BMP5: variants seen among roughly 807,000 people sequenced by gnomAD.
BMP5 encodes bone morphogenetic protein 5.
In BMP5, 23 loss-of-function variants were observed where a neutral mutation model predicts 46.6. The observed-to-expected ratio is 0.49, with a 90% CI of 0.35 to 0.70. The LOEUF (loss-of-function observed/expected upper bound fraction) is 0.70. Among genes scored for constraint, BMP5 ranks in the 30% least tolerant of loss-of-function variants. The pLI is 0.00. For synonymous variants in BMP5, 204 were observed against 191.9 expected (o/e 1.06, Z -0.52); for missense variants, 545 against 565.6 (o/e 0.96, Z 0.37).
At chr6:55,861,816 C>T (rs72870608) in intron 1 of BMP5, among the ~76,000 whole-genome samples, 46 of 152,262 alleles carry the variant, frequency 3.0e-4, no homozygotes, top group Non-Finnish European at 5.3e-4. Context: ...GTATATAGAA[C>T]TTTACAAAGA....
At chr6:55,762,726 T>C (rs143477865) in intron 4 of BMP5, among the ~76,000 whole-genome samples, 45 of 152,230 alleles carry the variant, frequency 3.0e-4, no homozygotes, top group African/African-American at 1.1e-3. Context: ...CTCCTTGATA[T>C]ACAAAACGGG....
intron 6 of BMP5, 72 bp downstream of exon 6, chr6:55,758,933 C>T (rs1245416115): frequency 1.9e-6 from 2 of 1,039,338 alleles, no homozygotes; most frequent in Admixed American, 1.7e-5. Context: ...TAAATAGATG[C>T]TTTCCTCTAA....
At chr6:55,774,015 T>C (rs1026776985) in intron 4 of BMP5, 34 bp downstream of exon 4, 4 of 1,606,742 alleles carry the variant, frequency 2.5e-6, no homozygotes, top group Non-Finnish European at 2.6e-6. Context: ...CCCATAACTC[T>C]CTGTGCATAA....
At chr6:55,833,943 G>C (rs891544741) in intron 1 of BMP5, among the ~76,000 whole-genome samples, 1 of 152,022 alleles carries the variant, frequency 6.6e-6, no homozygotes, top group Non-Finnish European at 1.5e-5. Flanking sequence ...GAGATATTAT[G>C]CAAAAATCTA....
intron 3 of BMP5, among the ~76,000 whole-genome samples, chr6:55,793,307 G>A (rs1485461688): frequency 6.6e-6 from 1 of 152,128 alleles, no homozygotes; most frequent in African/African-American, 2.4e-5. Context: ...ACATCTTCGT[G>A]TTTCAGATTA....
At position 55,755,393 on chromosome 6, in the gene BMP5, A is replaced by G; in HGVS notation, c.*140T>C. Reference sequence around the variant, plus strand: ...TTTAAATAAATAAAAATGACTATATACATGATATTGTACATAGGAAAAGAG... The same window carrying G: ...TTTAAATAAATAAAAATGACTATATGCATGATATTGTACATAGGAAAAGAG... On this transcript the variant is annotated 3_prime_UTR_variant, in exon 7 of 7. Coordinates refer to ENST00000370830, the MANE Select transcript of BMP5 (RefSeq NM_021073.4). 1.3e-6 allele frequency: 1 copy of G among 747,436 alleles called. No homozygotes were observed. Among genetic ancestry groups the G allele is most frequent in the Non-Finnish European group, 2.2e-6 (1 of 451,222 alleles). The allele number at this position is 747,436 out of a possible 1,614,324, so 46.3% of individuals were successfully genotyped here. A position where few individuals can be genotyped will look rare whatever the true frequency, so the allele number is the denominator to read the frequency against.
chr6:55,871,326 A>C (rs898071874), intron 1 of BMP5, among the ~76,000 whole-genome samples: 1 of 151,958 alleles, frequency 6.6e-6, no homozygotes, highest in South Asian at 2.1e-4. Context: ...GGAAAAAGCA[A>C]AGAATTCAAT....
chr6:55,874,475 G>T lies in BMP5; in HGVS notation c.391C>A (p.Arg131=). The stretch of plus-strand genomic sequence containing the variant: ...CTCTGGGTGGTCAGAGGAGTCGTCC[G>T]AGATAACTGTATGCGACGAGGATAC... ...NGYPRRIQLS[R]TTPLTTQSPP... The change falls in exon 1 of 7, where the codon CGG becomes AGG. Residue 131 remains arginine, a synonymous_variant. Coordinates refer to ENST00000370830, the MANE Select transcript of BMP5 (RefSeq NM_021073.4). 6.2e-7 allele frequency: 1 copy of T among 1,613,388 alleles called. No homozygotes were observed. Among genetic ancestry groups the T allele is most frequent in the South Asian group, 1.1e-5 (1 of 91,064 alleles).
At chr6:55,793,802 T>A (rs540947114) in intron 3 of BMP5, among the ~76,000 whole-genome samples, 3 of 152,206 alleles carry the variant, frequency 2.0e-5, no homozygotes, top group Non-Finnish European at 2.9e-5. Flanking sequence ...GTATTATTGG[T>A]AGCTCCTTTA....
chr6:55,823,106 T>C (rs1018937433), intron 1 of BMP5, among the ~76,000 whole-genome samples: 10 of 152,088 alleles, frequency 6.6e-5, no homozygotes, highest in African/African-American at 2.2e-4. Context: ...GAATAAGAAA[T>C]TGGGTGATGA....
chr6:55,776,621 T>G (rs767330157), intron 3 of BMP5, among the ~76,000 whole-genome samples: 3 of 151,980 alleles, frequency 2.0e-5, no homozygotes, highest in Non-Finnish European at 4.4e-5. Context: ...GGAGCTAAAT[T>G]TTAACTTGTA....
intron 3 of BMP5, among the ~76,000 whole-genome samples, chr6:55,787,410 T>A (rs577644202): frequency 7.0e-4 from 106 of 151,826 alleles, no homozygotes; most frequent in African/African-American, 2.0e-3. Flanking sequence ...TAATCACATG[T>A]GGACTTTAGA....
chr6:55,758,919 A>G, intron 6 of BMP5, 86 bp downstream of exon 6: 1 of 952,636 alleles, frequency 1.0e-6, no homozygotes, highest in Non-Finnish European at 1.7e-6. Context: ...ATGCATTAAA[A>G]TTGTAAATAG....
At chr6:55,800,714 C>A (rs1775828949) in intron 2 of BMP5, among the ~76,000 whole-genome samples, 1 of 151,976 alleles carries the variant, frequency 6.6e-6, no homozygotes, top group African/African-American at 2.4e-5. Flanking sequence ...TGAAAGTGAC[C>A]AAAATAAATC....
chr6:55,797,057 G>T (rs184765166), intron 2 of BMP5, among the ~76,000 whole-genome samples: 65 of 152,206 alleles, frequency 4.3e-4, no homozygotes, highest in South Asian at 8.3e-4. Flanking sequence ...AAGCTCTTCT[G>T]CATTACCTAT....
At chr6:55,853,342 T>TTC (rs5876469) in intron 1 of BMP5, among the ~76,000 whole-genome samples, 13,875 of 129,140 alleles carry the variant, frequency 0.11, 924 homozygotes, top group African/African-American at 0.15. Context: ...CTCCCCCGCT[T>TTC]TCTCTCTCTC....
At chr6:55,819,146 C>G (rs958306557) in intron 2 of BMP5, among the ~76,000 whole-genome samples, 1 of 152,110 alleles carries the variant, frequency 6.6e-6, no homozygotes. Context: ...GGTTTTTATG[C>G]ATTTAGTATT....
chr6:55,779,578 C>T (rs1338166111), intron 3 of BMP5, among the ~76,000 whole-genome samples: 1 of 152,030 alleles, frequency 6.6e-6, no homozygotes, highest in Non-Finnish European at 1.5e-5. Flanking sequence ...CACCACCCAG[C>T]ATACAGAATA....
chr6:55,856,493 C>G (rs1244754196), intron 1 of BMP5, among the ~76,000 whole-genome samples: 2 of 152,092 alleles, frequency 1.3e-5, no homozygotes, highest in African/African-American at 4.8e-5. Flanking sequence ...TACCTACCAG[C>G]AATTTATACG....
Sources: gnomAD v4.1 joint callset for allele counts (sites outside exome capture counted in the v4.1 genomes callset) on GRCh38, gnomAD v4.1.1 for gene constraint, MANE v1.5 for transcripts, NCBI Gene and HGNC (gene_info 2026-07-23, HGNC 2026-07-21) for gene names.